Variants in ROBO2 observed in about 807,000 individuals in gnomAD.
ROBO2 encodes roundabout guidance receptor 2, also known as roundabout homolog 2.
A neutral mutation model predicts 160.8 loss-of-function variants in ROBO2; 53 were observed. That is an observed-to-expected ratio of 0.33 (90% CI 0.26 to 0.41). The LOEUF is 0.41. Ranked by LOEUF, ROBO2 falls within the 10% of genes least tolerant of loss-of-function variation. The pLI, the probability that ROBO2 is intolerant of heterozygous loss-of-function variation, is 1.00. For synonymous variants in ROBO2, 664 were observed against 611.7 expected (o/e 1.09, Z -1.26); for missense variants, 1,577 against 1,722.4 (o/e 0.92, Z 1.49).
intron 2 of ROBO2, among the ~76,000 whole-genome samples, chr3:76,006,830 T>C (rs932509494): frequency 6.6e-6 from 1 of 152,002 alleles, no homozygotes; most frequent in African/African-American, 2.4e-5. Flanking sequence ...CTATCCTGCA[T>C]CCAAACTATA....
At chr3:75,999,000 A>G (rs939112387) in intron 2 of ROBO2, among the ~76,000 whole-genome samples, 10 of 152,310 alleles carry the variant, frequency 6.6e-5, no homozygotes, top group African/African-American at 2.4e-4. Context: ...TATGTCCTCA[A>G]GTATCATATA....
At position 76,295,668 on chromosome 3, in the gene ROBO2, G is replaced by A. The variant is rs964115912; in HGVS notation, c.109+358066G>A. Among the ~76,000 whole-genome samples the A allele has an allele frequency of 2.6e-5, 4 of 152,126 alleles. No homozygotes were observed. In the East Asian group the frequency reaches 7.7e-4, roughly 29 times the overall value. ...CTTTAATAACTTGATAGAAAAGGGG[G>A]GGATGCAGTTTAAAAGCCTTTATCA... On this transcript the variant is annotated intron_variant, in intron 2 of 26. Transcript: ENST00000487694.
At position 76,663,182 on chromosome 3, in the gene ROBO2, G is replaced by A. The variant is rs180984102; in HGVS notation, c.110-434832G>A. 4.6e-5 allele frequency among the ~76,000 whole-genome samples: 7 copies of A among 152,260 alleles called. No homozygotes were observed. In the East Asian group the frequency reaches 1.4e-3, roughly 29 times the overall value. On this transcript the variant is annotated intron_variant, in intron 2 of 26. Coordinates refer to the ROBO2 transcript ENST00000487694. ...AGAGACAAAGGAAAAGAAGAGATCA[G>A]GGATGTCTCCAAGTTTTTCTCTTGG... is the stretch of plus-strand genomic sequence containing the variant.
chr3:76,182,939 T>C (rs1701579753), intron 2 of ROBO2, among the ~76,000 whole-genome samples: 1 of 152,180 alleles, frequency 6.6e-6, no homozygotes, highest in Non-Finnish European at 1.5e-5. Flanking sequence ...CTTGAAACTC[T>C]GTAGCTAAAC....
chr3:76,991,209 C>CT (rs1375978660), intron 2 of ROBO2, among the ~76,000 whole-genome samples: 3 of 152,138 alleles, frequency 2.0e-5, no homozygotes, highest in Non-Finnish European at 4.4e-5. Context: ...ATTGAGCTTG[C>CT]TGCAGACATG....
chr3:77,294,652 AC>A (rs2061814370), intron 2 of ROBO2, among the ~76,000 whole-genome samples: 2 of 149,356 alleles, frequency 1.3e-5, no homozygotes, highest in South Asian at 2.1e-4. Context: ...AGGCTAGATC[AC>A]CCCAGACATA....
At chr3:76,213,379 T>C (rs1416321829) in intron 2 of ROBO2, among the ~76,000 whole-genome samples, 12 of 152,118 alleles carry the variant, frequency 7.9e-5, no homozygotes. Context: ...AAGAAGAGTA[T>C]GGGAAATTCC....
At chr3:77,476,954 G>GAGAAAGGACTTTGTCAA (rs2084085781) in intron 2 of ROBO2, among the ~76,000 whole-genome samples, 1 of 150,504 alleles carries the variant, frequency 6.6e-6, no homozygotes, top group Non-Finnish European at 1.5e-5. Flanking sequence ...TTTGTGTCAT[G>GAGAAAGGACTTTGTCAA]AGAAAGGACT....
chr3:76,961,182 T>C (rs1577860251), intron 2 of ROBO2, among the ~76,000 whole-genome samples: 1 of 146,488 alleles, frequency 6.8e-6, no homozygotes, highest in East Asian at 2.0e-4. Flanking sequence ...AGACAGACCC[T>C]GCTCAATCAG....
chr3:77,075,522 A>G (rs2067876483), intron 1 of ROBO2, among the ~76,000 whole-genome samples: 1 of 152,050 alleles, frequency 6.6e-6, no homozygotes, highest in Non-Finnish European at 1.5e-5. Context: ...GCTTTACTGT[A>G]TGTTTCCTTT....
At chr3:77,239,779 A>C (rs1348475564) in intron 2 of ROBO2, among the ~76,000 whole-genome samples, 4 of 152,228 alleles carry the variant, frequency 2.6e-5, no homozygotes, top group South Asian at 4.1e-4. Flanking sequence ...TGAGCTAGAC[A>C]CAGGGTGCTG....
chr3:76,874,799 C>G (rs73127278), intron 2 of ROBO2, among the ~76,000 whole-genome samples: 2,615 of 152,200 alleles, frequency 0.017, 29 homozygotes, highest in Non-Finnish European at 0.028. Flanking sequence ...GTGCCAGACC[C>G]GGACAGGCCA....
intron 2 of ROBO2, among the ~76,000 whole-genome samples, chr3:76,325,524 A>G (rs1011511645): frequency 3.3e-5 from 5 of 152,100 alleles, no homozygotes; most frequent in African/African-American, 1.2e-4. Flanking sequence ...TTGTAAACAT[A>G]CTTGTAAAAT....
rs1304568750 is a variant in ROBO2 at position 77,291,189 on chromosome 3, A to G, written c.389-186225A>G. On this transcript the variant is annotated intron_variant, in intron 2 of 25. Transcript: ENST00000461745. ...GCTAGAACAGTAAAGACATAAAGTA[A>G]AATTGATGGTTAAATGGGTAAGCTG... 1.1e-3 allele frequency among the ~76,000 whole-genome samples: 163 copies of G among 148,462 alleles called. 2 individuals carry two copies. Among genetic ancestry groups the G allele is most frequent in the African/African-American group, 4.1e-3 (160 of 39,204 alleles).
chr3:76,757,824 G>A (rs975772618), intron 2 of ROBO2, among the ~76,000 whole-genome samples: 1 of 151,418 alleles, frequency 6.6e-6, no homozygotes, highest in Non-Finnish European at 1.5e-5. Context: ...GAGGAAATGA[G>A]GACTAAAACT....
At chr3:77,275,580 A>G (rs995912400) in intron 2 of ROBO2, among the ~76,000 whole-genome samples, 1 of 152,162 alleles carries the variant, frequency 6.6e-6, no homozygotes, top group Non-Finnish European at 1.5e-5. Flanking sequence ...ATGAACTGCT[A>G]TAAAAATGCA....
chr3:76,697,009 A>G (rs1212877872), intron 2 of ROBO2, among the ~76,000 whole-genome samples: 1 of 152,292 alleles, frequency 6.6e-6, no homozygotes, highest in South Asian at 2.1e-4. Context: ...ATTTTTATGT[A>G]TAATTTGAGA....
At chr3:76,918,067 A>C (rs1475473385) in intron 2 of ROBO2, among the ~76,000 whole-genome samples, 1 of 152,168 alleles carries the variant, frequency 6.6e-6, no homozygotes, top group Non-Finnish European at 1.5e-5. Flanking sequence ...TTCCAAAAGG[A>C]GGAAAGAAAA....
chr3:76,489,863 A>C (rs6789016), intron 2 of ROBO2, among the ~76,000 whole-genome samples: 47,670 of 151,930 alleles, frequency 0.31, 7,964 homozygotes, highest in East Asian at 0.4. Context: ...TGAATTATAA[A>C]GAAAATATAC....
Sources: allele counts gnomAD v4.1 joint callset (sites outside exome capture counted in the v4.1 genomes callset), GRCh38; gene constraint gnomAD v4.1.1; transcripts MANE v1.5; gene names NCBI Gene and HGNC (gene_info 2026-07-23, HGNC 2026-07-21).